Variants in DNAH17 observed in about 807,000 individuals in gnomAD.
DNAH17 encodes dynein axonemal heavy chain 17.
A neutral mutation model predicts 485.6 loss-of-function variants in DNAH17; 376 were observed. The ratio of observed to expected loss-of-function variants is 0.77; its 90% CI spans 0.71 to 0.84. The LOEUF (loss-of-function observed/expected upper bound fraction) is 0.84, where lower values mean the gene tolerates loss of function less well. Ranked by LOEUF, DNAH17 falls within the 40% of genes least tolerant of loss-of-function variation. The probability of loss-of-function intolerance (pLI) is 0.00; values close to 1 mark genes in which losing one functional copy is unlikely to be tolerated. For synonymous variants in DNAH17, 3,031 were observed against 2,405.9 expected (o/e 1.26, Z -7.60); for missense variants, 6,370 against 5,839.3 (o/e 1.09, Z -2.96).
At chr17:78,564,242 G>C (rs9914794) in intron 11 of DNAH17, among the ~76,000 whole-genome samples, 5,762 of 152,210 alleles carry the variant, frequency 0.038, 205 homozygotes, top group African/African-American at 0.094. Flanking sequence ...GCCCAGACCC[G>C]TACGCTGGTC....
intron 44 of DNAH17, among the ~76,000 whole-genome samples, chr17:78,490,302 A>AC: frequency 6.6e-6 from 1 of 152,038 alleles, no homozygotes; most frequent in South Asian, 2.1e-4. Context: ...CCCACTCCCC[A>AC]CCATGCCCTG....
At chr17:78,432,238 A>G (rs982541240) in intron 75 of DNAH17, among the ~76,000 whole-genome samples, 1 of 152,064 alleles carries the variant, frequency 6.6e-6, no homozygotes, top group Admixed American at 6.5e-5. Context: ...AATTCTAGCC[A>G]GACTGTTTCT....
rs2091684165 is a variant in DNAH17, at chr17:78,544,138, C to A, written c.2392-141G>T. On this transcript the variant is annotated intron_variant, in intron 16 of 80. Coordinates refer to ENST00000389840, the MANE Select transcript of DNAH17 (RefSeq NM_173628.4). The stretch of plus-strand genomic sequence containing the variant: ...GAGTCTAGTTCTCCACGATCCATGC[C>A]CATCAGGGGCTACTAAGGACCTGTG... 19 of 1,211,074 alleles carry A rather than the reference C, an allele frequency of 1.6e-5. No individual in the cohort carries two copies. The South Asian group carries it at 2.1e-4, about 13-fold the overall frequency. The allele number at this position is 1,211,074 out of a possible 1,614,324, so 75.0% of individuals were successfully genotyped here.
intron 37 of DNAH17, among the ~76,000 whole-genome samples, chr17:78,497,286 C>T (rs2090110053): frequency 6.6e-6 from 1 of 152,084 alleles, no homozygotes. Context: ...TGAGGGGGCC[C>T]AATACTCGCG....
At chr17:78,456,154 C>T (rs1417759501) in intron 62 of DNAH17, among the ~76,000 whole-genome samples, 1 of 152,006 alleles carries the variant, frequency 6.6e-6, no homozygotes, top group Non-Finnish European at 1.5e-5. Flanking sequence ...CAAAAATTAG[C>T]CAGGCGTGGT....
chr17:78,551,666 CA>C (rs2091904922), intron 15 of DNAH17, 28 bp from the exon 16 acceptor site: 1 of 1,609,150 alleles, frequency 6.2e-7, no homozygotes, highest in Admixed American at 1.7e-5. Context: ...AGGAATCTTA[CA>C]AAATGAACAA....
intron 62 of DNAH17, among the ~76,000 whole-genome samples, chr17:78,457,860 C>T (rs918946030): frequency 6.6e-6 from 1 of 152,126 alleles, no homozygotes; most frequent in Non-Finnish European, 1.5e-5. Context: ...AGGGTTTTAC[C>T]ATGTTGGCCA....
chr17:78,460,206 G>C lies in DNAH17; in HGVS notation c.9391C>G (p.Pro3131Ala). ...ACETDLAKAE[P>A]ALLAAQEALD... Reference sequence around the variant, plus strand: ...GCCTCCTGGGCTGCCAGCAGGGCCGGTTCTGCTTTGGCCAGGTCTGTTTCA... The same window carrying C: ...GCCTCCTGGGCTGCCAGCAGGGCCGCTTCTGCTTTGGCCAGGTCTGTTTCA... Residue 3131 changes from proline to alanine, a missense_variant, in exon 59 of 81, where the codon CCG becomes GCG. Transcript: ENST00000389840. The C allele has an allele frequency of 6.2e-7, 1 of 1,609,030 alleles. No homozygotes were observed. Among genetic ancestry groups the C allele is most frequent in the Non-Finnish European group, 8.5e-7 (1 of 1,177,394 alleles).
intron 16 of DNAH17, among the ~76,000 whole-genome samples, chr17:78,549,691 G>A (rs1264943360): frequency 1.3e-5 from 2 of 152,186 alleles, no homozygotes; most frequent in South Asian, 2.1e-4. Flanking sequence ...AGAAAGTGCT[G>A]CCCTGGTCCT....
In DNAH17 at chr17:78,475,218, G is replaced by A. The variant is rs553511159; in HGVS notation, c.8511+60C>T. The A allele has an allele frequency of 7.8e-4, 1,231 of 1,571,380 alleles. 1 individual carries two copies. Among genetic ancestry groups the A allele is most frequent in the Non-Finnish European group, 1.0e-3 (1,166 of 1,156,750 alleles). On this transcript the variant is annotated intron_variant, in intron 54 of 80. Transcript: ENST00000389840. ...GCTTCATTTTGGAAAAGGGAGTGAA[G>A]TTTTTCTTTACTCCCTGACCCTACC...
chr17:78,563,669 G>A (rs998153015), intron 11 of DNAH17, among the ~76,000 whole-genome samples: 3 of 151,892 alleles, frequency 2.0e-5, no homozygotes, highest in African/African-American at 7.3e-5. Flanking sequence ...TCTATTTTCC[G>A]CCAAAAGGAG....
chr17:78,472,247 G>T (rs969944149), intron 54 of DNAH17, among the ~76,000 whole-genome samples: 1 of 148,434 alleles, frequency 6.7e-6, no homozygotes, highest in African/African-American at 2.6e-5. Context: ...ATGGAGTAGG[G>T]GTGCGAGGGT....
chr17:78,494,525 C>A, intron 40 of DNAH17, 68 bp downstream of exon 40: 1 of 1,520,670 alleles, frequency 6.6e-7, no homozygotes, highest in South Asian at 1.2e-5. Context: ...ACCCGTCCAA[C>A]ATCAGTGGGA....
At chr17:78,465,772 C>A (rs1223962715) in intron 56 of DNAH17, among the ~76,000 whole-genome samples, 1 of 142,412 alleles carries the variant, frequency 7.0e-6, no homozygotes, top group Non-Finnish European at 1.5e-5. Context: ...GGCGGTCAGC[C>A]CCCGCCAGGC....
chr17:78,532,609 T>C lies in DNAH17; in HGVS notation c.2987A>G (p.Asp996Gly). ...ATTCTTCATAAACTCCTGCAGGTTG[T>C]CCGTCCAGAGGTAGGAGTACCTCTC... ...SFERYSYLWTDNLQEFMKNFL... is the reference protein window; with the variant it reads ...SFERYSYLWTGNLQEFMKNFL... Residue 996 changes from aspartate (D) to glycine (G), a missense_variant, in exon 20 of 81, where the codon GAC (aspartate) becomes GGC (glycine). Transcript: ENST00000389840. 6.2e-7 allele frequency: 1 copy of C among 1,607,054 alleles called. No homozygotes were observed. Among genetic ancestry groups the C allele is most frequent in the Non-Finnish European group, 8.5e-7 (1 of 1,176,602 alleles).
At position 78,458,845 on chromosome 17, in the gene DNAH17, G is replaced by A. The variant is rs557563852; in HGVS notation, c.9861+156C>T. On this transcript the variant is annotated intron_variant, in intron 61 of 80. Coordinates refer to ENST00000389840, the MANE Select transcript of DNAH17 (RefSeq NM_173628.4). Reference sequence around the variant, plus strand: ...GGCTAAGGACACCAAGCGGCTCCCGGCACCATCTGGCCCCTGCCTCTGCCT... The same window carrying A: ...GGCTAAGGACACCAAGCGGCTCCCGACACCATCTGGCCCCTGCCTCTGCCT... The A allele has an allele frequency of 1.5e-4, 155 of 1,043,062 alleles. No individual in the cohort carries two copies. In the African/African-American group the frequency reaches 2.1e-3, roughly 14 times the overall value. 64.6% of individuals were successfully genotyped at this position (1,043,062 alleles called of 1,614,324 possible).
chr17:78,423,972 G>C lies in DNAH17; in HGVS notation c.13323C>G (p.Asn4441Lys), dbSNP rs779330949. The C allele has an allele frequency of 6.2e-7, 1 of 1,613,948 alleles. No individual in the cohort carries two copies. ...TCGCTGCCTTCTCTTTGGTCTTCAA[G>C]TTAAAGGTCCAGACATAGGTGGGGC... ...IRGPTYVWTF[N>K]LKTKEKAAKW... The change falls in exon 81 of 81, where the codon AAC becomes AAG. Residue 4441 changes from asparagine to lysine, a missense_variant. Coordinates refer to ENST00000389840, the MANE Select transcript of DNAH17 (RefSeq NM_173628.4).
rs753221866 is a variant in DNAH17, at chr17:78,532,619, G to A, written c.2977C>T (p.Leu993Phe). ...YQDSFERYSYLWTDNLQEFMK... is the reference protein window; with the variant it reads ...YQDSFERYSYFWTDNLQEFMK... Reference sequence around the variant, plus strand: ...AACTCCTGCAGGTTGTCCGTCCAGAGGTAGGAGTACCTCTCAAAGGAATCC... The same window carrying A: ...AACTCCTGCAGGTTGTCCGTCCAGAAGTAGGAGTACCTCTCAAAGGAATCC... The change falls in exon 20 of 81, where the codon CTC (leucine) becomes TTC (phenylalanine). Residue 993 changes from leucine to phenylalanine, a missense_variant. Physicochemically the swap from Leu to Phe is conservative, Grantham distance 22 (BLOSUM62 0). Transcript: ENST00000389840. The A allele has an allele frequency of 2.5e-6, 4 of 1,605,042 alleles. No individual in the cohort carries two copies. The African/African-American group carries it at 4.0e-5, about 16-fold the overall frequency.
At chr17:78,484,739 A>ACCCCCCCGGCCGCCCCCC in intron 48 of DNAH17, 129 bp downstream of exon 48, 1 of 347,798 alleles carries the variant, frequency 2.9e-6, no homozygotes, top group Non-Finnish European at 4.6e-6. Context: ...ACGTTGCAGC[A>ACCCCCCCGGCCGCCCCCC]CCCCCCCCAC....
Sources: gnomAD v4.1 joint callset for allele counts (sites outside exome capture counted in the v4.1 genomes callset) on GRCh38, gnomAD v4.1.1 for gene constraint, MANE v1.5 for transcripts, NCBI Gene and HGNC (gene_info 2026-07-23, HGNC 2026-07-21) for gene names.